The following ZNF552 variants were observed in gnomAD, a reference collection of about 807,000 sequenced individuals.
ZNF552 encodes zinc finger protein 552.
ZNF552 carries 2 observed loss-of-function variants against 7.2 expected under a neutral mutation model. The ratio of observed to expected loss-of-function variants is 0.28; its 90% CI spans 0.11 to 0.88. The LOEUF (loss-of-function observed/expected upper bound fraction) is 0.88. Ranked by LOEUF, ZNF552 falls within the 40% of genes least tolerant of loss-of-function variation. ZNF552 has a pLI of 0.60. For missense variants in ZNF552, 421 were observed against 493.4 expected, an observed-to-expected ratio of 0.85 and a Z score of 1.39; for synonymous variants, 173 against 176.5, an observed-to-expected ratio of 0.98 and a Z score of 0.16.
intron 2 of ZNF552, among the ~76,000 whole-genome samples, chr19:57,809,660 G>A (rs1386502577): frequency 2.1e-5 from 3 of 144,918 alleles, no homozygotes; most frequent in African/African-American, 7.9e-5. Flanking sequence ...AAAAAAAAAA[G>A]TACAACTGAC....
intron 2 of ZNF552, among the ~76,000 whole-genome samples, chr19:57,811,737 AAC>A (rs1491501187): frequency 2.4e-4 from 36 of 150,468 alleles, no homozygotes; most frequent in Admixed American, 1.1e-3. Flanking sequence ...AAAAAAAAAA[AAC>A]AATGGAGAAG....
chr19:57,811,696 C>T (rs1355215864), intron 2 of ZNF552, among the ~76,000 whole-genome samples: 1 of 98,808 alleles, frequency 1.0e-5, no homozygotes, highest in Non-Finnish European at 1.8e-5. Flanking sequence ...GCCTGGACAA[C>T]AAGAGCGAAA....
At position 57,814,612 on chromosome 19, in the gene ZNF552, GT is replaced by G; in HGVS notation, c.33+98del. 1.9e-6 allele frequency: 3 copies of G among 1,601,782 alleles called. No homozygotes were observed. The African/African-American group carries it at 4.0e-5, about 21-fold the overall frequency. ...GAGCGCCTCAGTGTCCCGACGCCGGGTCCGGGTTGCAGAGCCGTAAACAGGT... is the reference window on the plus strand; with the variant it reads ...GAGCGCCTCAGTGTCCCGACGCCGGGCCGGGTTGCAGAGCCGTAAACAGGT... On this transcript the variant is annotated intron_variant, in intron 1 of 2. Coordinates refer to ENST00000391701, the MANE Select transcript of ZNF552 (RefSeq NM_024762.3).
chr19:57,808,221 C>A lies in ZNF552; in HGVS notation c.1043G>T (p.Gly348Val), dbSNP rs771661145. 6.4e-5 allele frequency: 103 copies of A among 1,613,994 alleles called. No individual in the cohort carries two copies. The East Asian group carries it at 2.3e-3, about 36-fold the overall frequency. ...TTCACTGCACTCATAAGGCTTCTGA[C>A]CAGTGTGAACTCTCTTATGAACACG... Reference protein sequence around the residue: ...TFRVHKRVHTGQKPYECSECG... With the variant: ...TFRVHKRVHTVQKPYECSECG... The change falls in exon 3 of 3, where the codon GGT becomes GTT. Residue 348 changes from glycine to valine, a missense_variant. By Grantham distance (109) the Gly-to-Val change is moderately radical. Coordinates refer to ENST00000391701, the MANE Select transcript of ZNF552 (RefSeq NM_024762.3).
At chr19:57,809,243 T>C (rs754066307) in intron 2 of ZNF552, 140 bp from the exon 3 acceptor site, 135 of 1,550,190 alleles carry the variant, frequency 8.7e-5, no homozygotes, top group Middle Eastern at 3.3e-4. Context: ...AGGTGGAAGA[T>C]GGTGCTATGT....
Position 57,808,026 on chromosome 19 carries a change from T to C in ZNF552, c.*14A>G. 5 of 1,589,380 alleles carry C rather than the reference T, an allele frequency of 3.1e-6. No homozygotes were observed. The highest frequency in any genetic ancestry group is 3.4e-6 in the Non-Finnish European group (4 of 1,168,054). ...TGTATTCTCCAATATTTAATGAGAC[T>C]GGACTCACTGCACTCATAAGCCCTT... On this transcript the variant is annotated 3_prime_UTR_variant, in exon 3 of 3. Transcript: ENST00000391701.
At position 57,807,765 on chromosome 19, in the gene ZNF552, G is replaced by C. The variant is rs1053632767; in HGVS notation, c.*275C>G. On this transcript the variant is annotated 3_prime_UTR_variant, in exon 3 of 3. Transcript: ENST00000391701. ...AATCCTCCCACATGACAGCTCTCCT[G>C]TGAGTTATGCAGCCAGACTTCTGGA... is the stretch of plus-strand genomic sequence containing the variant. 11 of 382,032 alleles carry C rather than the reference G, an allele frequency of 2.9e-5. No individual in the cohort carries two copies. Among genetic ancestry groups the C allele is most frequent in the African/African-American group, 4.1e-5 (2 of 48,532 alleles). 23.7% of individuals were successfully genotyped at this position (382,032 alleles called of 1,614,324 possible).
At chr19:57,814,488 C>T (rs1487011317) in intron 1 of ZNF552, 5 of 1,534,166 alleles carry the variant, frequency 3.3e-6, no homozygotes, top group Non-Finnish European at 4.4e-6. Context: ...TCCATCCTCC[C>T]GGATCCGTCC....
In ZNF552 at chr19:57,813,364, G is replaced by C. The variant is rs759712652; in HGVS notation, c.90C>G (p.Leu30=). 4 of 1,614,070 alleles carry C rather than the reference G, an allele frequency of 2.5e-6. No individual in the cohort carries two copies. Among genetic ancestry groups the C allele is most frequent in the Non-Finnish European group, 3.4e-6 (4 of 1,180,026 alleles). Residue 30 remains leucine, a synonymous_variant, in exon 2 of 3, where the codon CTC becomes CTG. Coordinates refer to ENST00000391701, the MANE Select transcript of ZNF552 (RefSeq NM_024762.3). ...AVKFTQEEWN[L]LSEAQRCLYR... ...ACAGGCATCTCTGAGCCTCACTAAGGAGATTCCATTCCTCCTGGGTAAATT... is the reference window on the plus strand; with the variant it reads ...ACAGGCATCTCTGAGCCTCACTAAGCAGATTCCATTCCTCCTGGGTAAATT...
rs1249316886 is a variant in ZNF552 at position 57,808,727 on chromosome 19, C to T, written c.537G>A (p.Leu179=). 2 of 1,614,092 alleles carry T rather than the reference C, an allele frequency of 1.2e-6. No individual in the cohort carries two copies. The highest frequency in any genetic ancestry group is 2.2e-5 in the South Asian group (2 of 91,080). ...SVFSESGKDF[L]LRSGLLQQEA... ...CTTGCTGGAGTAATCCTGACCTGAG[C>T]AAAAAGTCTTTCCCACTCTCACTGA... Residue 179 remains leucine, a synonymous_variant, in exon 3 of 3, where the codon TTG becomes TTA. Coordinates refer to ENST00000391701, the MANE Select transcript of ZNF552 (RefSeq NM_024762.3).
At position 57,813,234 on chromosome 19, in the gene ZNF552, A is replaced by T. The variant is rs8103754; in HGVS notation, c.160+60T>A. 5.6e-3 allele frequency: 9,035 copies of T among 1,602,596 alleles called. 460 individuals are homozygous for T. The African/African-American group carries it at 0.1, about 18-fold the overall frequency. On this transcript the variant is annotated intron_variant, in intron 2 of 2. Transcript: ENST00000391701. ...TGACATGAGAAAGTCTTGCCAATAG[A>T]AAAAGAGGGGGAAAGACAGAGACTA... is the stretch of plus-strand genomic sequence containing the variant.
rs1358592908 is a variant in ZNF552, at chr19:57,808,198, C to G, written c.1066G>C (p.Glu356Gln). Reference sequence around the variant, plus strand: ...CTTTCGGCAAAAGATTTCCCACATTCACTGCACTCATAAGGCTTCTGACCA... The same window carrying G: ...CTTTCGGCAAAAGATTTCCCACATTGACTGCACTCATAAGGCTTCTGACCA... ...HTGQKPYECSECGKSFAESSS... is the reference protein window; with the variant it reads ...HTGQKPYECSQCGKSFAESSS... Residue 356 changes from glutamate (E) to glutamine (Q), a missense_variant, in exon 3 of 3, where the codon GAA (glutamate) becomes CAA (glutamine). Glu to Gln is a conservative substitution (Grantham distance 29, BLOSUM62 2). Around this residue, in one of 2 missense-constraint regions of ZNF552, gnomAD observed 299 missense variants for 293.7 expected, o/e 1.02. Coordinates refer to ENST00000391701, the MANE Select transcript of ZNF552 (RefSeq NM_024762.3). 8.1e-6 allele frequency: 13 copies of G among 1,614,022 alleles called. No individual in the cohort carries two copies. Among genetic ancestry groups the G allele is most frequent in the East Asian group, 2.2e-5 (1 of 44,882 alleles).
chr19:57,810,801 C>T (rs1016296463), intron 2 of ZNF552, among the ~76,000 whole-genome samples: 1 of 152,196 alleles, frequency 6.6e-6, no homozygotes, highest in African/African-American at 2.4e-5. Flanking sequence ...CCGCTCATCC[C>T]TGGGCAATGG....
chr19:57,810,498 C>G (rs1273353688), intron 2 of ZNF552, among the ~76,000 whole-genome samples: 1 of 152,154 alleles, frequency 6.6e-6, no homozygotes, highest in Non-Finnish European at 1.5e-5. Flanking sequence ...TGTGTCAACT[C>G]AAGGTTAAAT....
Position 57,809,041 on chromosome 19 carries a change from C to A in ZNF552, c.223G>T (p.Glu75Ter). ...GCCATAGGAGTCCTGACCTGAGTCTCTCTTTGTATATAAATACTCTGCTTA... is the reference window on the plus strand; with the variant it reads ...GCCATAGGAGTCCTGACCTGAGTCTATCTTTGTATATAAATACTCTGCTTA... ...PSKQSIYIQR[E>*]TQVRTPMAGV... The change falls in exon 3 of 3, where the codon GAG (glutamate) becomes TAG (stop). Residue 75 changes from glutamate to a stop codon, truncating the protein, a stop_gained. Coordinates refer to ENST00000391701, the MANE Select transcript of ZNF552 (RefSeq NM_024762.3). LOFTEE classifies it low-confidence loss of function (END_TRUNC). The A allele has an allele frequency of 6.5e-7, 1 of 1,546,072 alleles. No homozygotes were observed. Among genetic ancestry groups the A allele is most frequent in the Non-Finnish European group, 8.7e-7 (1 of 1,146,040 alleles).
Position 57,807,797 on chromosome 19 carries a change from T to C in ZNF552, c.*243A>G, listed in dbSNP as rs1479333899. ...ATGCAGCCAGACTTCTGGATAAATA[T>C]CCTGTATTTGTCACACTAGTAAGGC... On this transcript the variant is annotated 3_prime_UTR_variant, in exon 3 of 3. Coordinates refer to ENST00000391701, the MANE Select transcript of ZNF552 (RefSeq NM_024762.3). 2 of 497,518 alleles carry C rather than the reference T, an allele frequency of 4.0e-6. No homozygotes were observed. Among genetic ancestry groups the C allele is most frequent in the Non-Finnish European group, 6.5e-6 (2 of 306,824 alleles). The allele number at this position is 497,518 out of a possible 1,614,324, so 30.8% of individuals were successfully genotyped here. A position where few individuals can be genotyped will look rare whatever the true frequency, so the allele number is the denominator to read the frequency against.
At position 57,813,314 on chromosome 19, in the gene ZNF552, A is replaced by G. The variant is rs780965473; in HGVS notation, c.140T>C (p.Leu47Pro). 4.1e-5 allele frequency: 66 copies of G among 1,614,126 alleles called. No individual in the cohort carries two copies. The East Asian group carries it at 1.4e-3, about 35-fold the overall frequency. The change falls in exon 2 of 3, where the codon CTG becomes CCG. Residue 47 changes from leucine (L) to proline (P), a missense_variant. Leu to Pro is a moderately conservative substitution (Grantham distance 98). Coordinates refer to ENST00000391701, the MANE Select transcript of ZNF552 (RefSeq NM_024762.3). Reference protein sequence around the residue: ...CLYRDVTLENLALMSSLGCWC... With the variant: ...CLYRDVTLENPALMSSLGCWC... ...CTTACCCAGGGAGGACATAAGTGCCAGGTTCTCCAGCGTCACATCACGGTA... is the reference window on the plus strand; with the variant it reads ...CTTACCCAGGGAGGACATAAGTGCCGGGTTCTCCAGCGTCACATCACGGTA...
chr19:57,813,680 C>T (rs1398348359), intron 1 of ZNF552, among the ~76,000 whole-genome samples: 1 of 150,908 alleles, frequency 6.6e-6, no homozygotes, highest in African/African-American at 2.4e-5. Context: ...TCATGGAAAG[C>T]CCAATGTGGC....
chr19:57,814,431 G>C, intron 1 of ZNF552: 1 of 1,298,782 alleles, frequency 7.7e-7, no homozygotes, highest in Non-Finnish European at 1.1e-6. Flanking sequence ...TCCAGGAGGA[G>C]TTCCGCCTCA....
Sources: allele counts gnomAD v4.1 joint callset (sites outside exome capture counted in the v4.1 genomes callset), GRCh38; gene constraint gnomAD v4.1.1; regional missense constraint gnomAD v4.1.1; transcripts MANE v1.5; gene names NCBI Gene and HGNC (gene_info 2026-07-23, HGNC 2026-07-21).